The following PVT1 variants were observed in gnomAD, a reference collection of about 807,000 sequenced individuals.
PVT1 encodes Pvt1 oncogene, also known as CXCR4/PVT1 fusion.
rs753688420 is a variant in PVT1 at position 127,898,800 on chromosome 8, G to T, written n.782+7802G>T. On this transcript the variant is annotated intron_variant and non_coding_transcript_variant, in intron 3 of 10. Coordinates refer to ENST00000651587, the Ensembl canonical transcript of PVT1. This position sits in a 1 kb window ranked among gnomAD's most constrained non-coding sequence, Gnocchi z 4.4. ...AATAGTGGCCACACGCTGATAGCTG[G>T]ATTTCCAGTGCAGTTGCTGGGGATG... Among the ~76,000 whole-genome samples, 2 of 152,196 alleles carry T rather than the reference G, an allele frequency of 1.3e-5. No homozygotes were observed. The highest frequency in any genetic ancestry group is 4.8e-5 in the African/African-American group (2 of 41,440).
intron 4 of PVT1, among the ~76,000 whole-genome samples, chr8:127,990,806 T>G (rs1817024209): frequency 2.0e-5 from 3 of 152,178 alleles, no homozygotes; most frequent in Admixed American, 2.0e-4. Flanking sequence ...TCAGTCAAGG[T>G]GGGGATACTG....
chr8:127,855,425 T>C (rs1815150449), intron 2 of PVT1: 1 of 384,766 alleles, frequency 2.6e-6, no homozygotes, highest in Non-Finnish European at 4.6e-6. Context: ...AAGTGTCTTC[T>C]GGCCTTAGAG....
chr8:127,821,177 G>A (rs1045500299), intron 2 of PVT1, among the ~76,000 whole-genome samples: 1 of 152,170 alleles, frequency 6.6e-6, no homozygotes, highest in African/African-American at 2.4e-5. Context: ...AAGCCCGTCC[G>A]CATTTTTAAC....
intron 2 of PVT1, among the ~76,000 whole-genome samples, chr8:127,882,202 C>G (rs1394254802): frequency 1.3e-5 from 2 of 152,132 alleles, no homozygotes; most frequent in African/African-American, 4.8e-5. Flanking sequence ...GTGACGGGAG[C>G]AGGCACTCGA....
intron 3 of PVT1, among the ~76,000 whole-genome samples, chr8:127,906,534 T>C (rs1194944497): frequency 6.6e-6 from 1 of 152,128 alleles, no homozygotes; most frequent in Non-Finnish European, 1.5e-5. Flanking sequence ...TGTAACTCTT[T>C]GGTGTGACGA....
chr8:128,029,845 G>A, intron 4 of PVT1, among the ~76,000 whole-genome samples: 1 of 152,192 alleles, frequency 6.6e-6, no homozygotes, highest in East Asian at 1.9e-4. Flanking sequence ...GCTGTGGCTT[G>A]CGCCTCTAAT....
At chr8:127,806,188 C>T (rs1460897383) in intron 2 of PVT1, among the ~76,000 whole-genome samples, 1 of 152,138 alleles carries the variant, frequency 6.6e-6, no homozygotes, top group African/African-American at 2.4e-5. Context: ...GATGGCTGGG[C>T]ACCGTGGCTC....
At chr8:127,847,795 A>G (rs534669666) in intron 2 of PVT1, among the ~76,000 whole-genome samples, 222 of 152,288 alleles carry the variant, frequency 1.5e-3, no homozygotes, top group Admixed American at 3.5e-3. Context: ...CTTTGCACAA[A>G]CTCTGTTAGG....
intron 3 of PVT1, among the ~76,000 whole-genome samples, chr8:127,963,844 C>G (rs768263947): frequency 6.6e-6 from 1 of 152,066 alleles, no homozygotes; most frequent in Non-Finnish European, 1.5e-5. Context: ...GGACCTGGTC[C>G]TGGTGGTTCC....
intron 2 of PVT1, among the ~76,000 whole-genome samples, chr8:127,814,349 C>G (rs1012323821): frequency 3.3e-5 from 5 of 152,236 alleles, no homozygotes; most frequent in Admixed American, 1.3e-4. Context: ...GGGAGGGTTT[C>G]TGTGTGAAGT....
At chr8:127,834,090 T>G (rs1586399069) in intron 2 of PVT1, among the ~76,000 whole-genome samples, 1 of 152,040 alleles carries the variant, frequency 6.6e-6, no homozygotes, top group African/African-American at 2.4e-5. Context: ...CTGCTTCCAC[T>G]GTGGCCTGCT....
intron 3 of PVT1, among the ~76,000 whole-genome samples, chr8:127,911,014 T>C (rs935831110): frequency 2.0e-5 from 3 of 152,136 alleles, no homozygotes; most frequent in Non-Finnish European, 4.4e-5. Flanking sequence ...GGCTTACTTA[T>C]AGAAGCTGTG....
chr8:127,909,148 A>G (rs887519795), intron 3 of PVT1, among the ~76,000 whole-genome samples: 3 of 152,234 alleles, frequency 2.0e-5, no homozygotes, highest in African/African-American at 7.2e-5. Context: ...TTACTGATGG[A>G]TGAAGAACTC....
chr8:128,073,089 C>T (rs1814018270), intron 5 of PVT1, among the ~76,000 whole-genome samples: 1 of 152,120 alleles, frequency 6.6e-6, no homozygotes, highest in African/African-American at 2.4e-5. Flanking sequence ...CCTTCTCGGC[C>T]TCCCAAAGTG....
chr8:127,978,572 C>T (rs886506052), intron 3 of PVT1, among the ~76,000 whole-genome samples: 1 of 151,798 alleles, frequency 6.6e-6, no homozygotes, highest in African/African-American at 2.4e-5. Flanking sequence ...CAACTTCTGC[C>T]TCCTGGGTTC....
chr8:127,817,014 A>T, intron 2 of PVT1, among the ~76,000 whole-genome samples: 1 of 111,402 alleles, frequency 9.0e-6, no homozygotes, highest in Non-Finnish European at 1.9e-5. Context: ...GTGTCCCCCC[A>T]CCCCCTCCCG....
intron 4 of PVT1, among the ~76,000 whole-genome samples, chr8:128,013,492 T>C (rs900738095): frequency 6.6e-6 from 1 of 152,214 alleles, no homozygotes; most frequent in Non-Finnish European, 1.5e-5. Flanking sequence ...GTCCCTAACC[T>C]GATATATTCA....
At chr8:128,068,054 TTACAAC>T (rs1488293181) in intron 4 of PVT1, among the ~76,000 whole-genome samples, 1 of 151,544 alleles carries the variant, frequency 6.6e-6, no homozygotes, top group East Asian at 2.0e-4. Context: ...TCTCACCCAA[TTACAAC>T]TCTTGCCTTC....
At chr8:128,013,395 T>C (rs371269546) in intron 4 of PVT1, among the ~76,000 whole-genome samples, 2,508 of 151,852 alleles carry the variant, frequency 0.017, 66 homozygotes, top group African/African-American at 0.057. Flanking sequence ...TGTTTTTTTT[T>C]CCCCCTGGCA....
Sources: gnomAD v4.1 joint callset for allele counts (sites outside exome capture counted in the v4.1 genomes callset) on GRCh38, gnomAD v4.1.1 for gene constraint, Gnocchi (gnomAD v3.1) non-coding constraint, MANE v1.5 for transcripts, NCBI Gene and HGNC (gene_info 2026-07-23, HGNC 2026-07-21) for gene names.